Variants in BRINP2 observed in about 807,000 individuals in gnomAD.
BRINP2 encodes the protein BMP/retinoic acid inducible neural specific 2.
A neutral mutation model predicts 69.2 loss-of-function variants in BRINP2; 21 were observed. The ratio of observed to expected loss-of-function variants is 0.30; its 90% CI spans 0.22 to 0.44. The LOEUF is 0.44. BRINP2 is among the 20% of genes least tolerant of loss of function. The probability of loss-of-function intolerance (pLI) is 1.00; values close to 1 mark genes in which losing one functional copy is unlikely to be tolerated. For synonymous variants in BRINP2, 380 were observed against 394.1 expected, an observed-to-expected ratio of 0.96 and a Z score of 0.42; for missense variants, 877 against 986.0, an observed-to-expected ratio of 0.89 and a Z score of 1.48.
chr1:177,217,048 T>C (rs1318742634), intron 1 of BRINP2, among the ~76,000 whole-genome samples: 3 of 152,108 alleles, frequency 2.0e-5, no homozygotes, highest in Non-Finnish European at 4.4e-5. Flanking sequence ...CTTCTTTTCT[T>C]GATTAGAGAC....
chr1:177,194,941 C>A (rs1462857837), intron 1 of BRINP2, among the ~76,000 whole-genome samples: 1 of 152,148 alleles, frequency 6.6e-6, no homozygotes, highest in Non-Finnish European at 1.5e-5. Flanking sequence ...GGCCTCATAA[C>A]AAAATAACTT....
intron 4 of BRINP2, among the ~76,000 whole-genome samples, chr1:177,260,307 G>A (rs908021091): frequency 5.3e-5 from 8 of 152,208 alleles, no homozygotes; most frequent in Admixed American, 4.6e-4. Flanking sequence ...TAAATGACGA[G>A]TTGCTTCTTA....
intron 1 of BRINP2, among the ~76,000 whole-genome samples, chr1:177,187,995 T>C (rs1648477923): frequency 6.6e-6 from 1 of 152,204 alleles, no homozygotes; most frequent in Admixed American, 6.5e-5. Context: ...TCTGAGCCTC[T>C]ATTTTCTTAT....
At chr1:177,203,628 G>T (rs529284423) in intron 1 of BRINP2, among the ~76,000 whole-genome samples, 1 of 152,074 alleles carries the variant, frequency 6.6e-6, no homozygotes, top group Non-Finnish European at 1.5e-5. Flanking sequence ...TGAATGCACT[G>T]GTATGAAGTG....
chr1:177,248,492 T>C (rs1427406756), intron 2 of BRINP2, among the ~76,000 whole-genome samples: 2 of 151,110 alleles, frequency 1.3e-5, no homozygotes, highest in Non-Finnish European at 3.0e-5. Flanking sequence ...TGTGTGTGCG[T>C]GCGTGTGTGT....
chr1:177,202,478 G>A (rs1234119163), intron 1 of BRINP2, among the ~76,000 whole-genome samples: 3 of 152,186 alleles, frequency 2.0e-5, no homozygotes, highest in African/African-American at 4.8e-5. Context: ...TCATTTAGGA[G>A]CAGGTTGTTC....
At chr1:177,266,753 C>G (rs2102355049) in intron 4 of BRINP2, among the ~76,000 whole-genome samples, 1 of 123,738 alleles carries the variant, frequency 8.1e-6, no homozygotes, top group Non-Finnish European at 1.6e-5. Context: ...GTGGGAGACT[C>G]ACTCTAAAAA....
chr1:177,211,194 T>C (rs1229987705), intron 1 of BRINP2, among the ~76,000 whole-genome samples: 1 of 152,108 alleles, frequency 6.6e-6, no homozygotes, highest in Non-Finnish European at 1.5e-5. Context: ...GATTGGTAAA[T>C]AGCATAGATG....
intron 1 of BRINP2, among the ~76,000 whole-genome samples, chr1:177,202,977 G>A (rs915659754): frequency 3.9e-5 from 6 of 152,144 alleles, no homozygotes; most frequent in African/African-American, 1.4e-4. Context: ...CCATTACTGG[G>A]TATATACCCA....
Position 177,276,286 on chromosome 1 carries a change from C to G in BRINP2, c.864C>G (p.Leu288=). Residue 288 remains leucine (L), a synonymous_variant, in exon 6 of 8, where the codon CTC becomes CTG. Transcript: ENST00000361539. ...TCACATGCAGCTCTGAGGGTGAGCT[C>G]GTCTGCAAGGAGAATGACTGCTGGT... ...SYITCSSEGE[L]VCKENDCWCK... 1 of 1,614,216 alleles carries G rather than the reference C, an allele frequency of 6.2e-7. No homozygotes were observed. The highest frequency in any genetic ancestry group is 1.6e-4 in the Middle Eastern group (1 of 6,062).
chr1:177,209,734 C>G (rs1571899795), intron 1 of BRINP2, among the ~76,000 whole-genome samples: 1 of 151,640 alleles, frequency 6.6e-6, no homozygotes, highest in Non-Finnish European at 1.5e-5. Flanking sequence ...ACACTCAGGT[C>G]TCACTCAGAG....
At chr1:177,221,058 G>A (rs1463547045) in intron 1 of BRINP2, among the ~76,000 whole-genome samples, 1 of 152,128 alleles carries the variant, frequency 6.6e-6, no homozygotes, top group African/African-American at 2.4e-5. Context: ...TGACCCAGAG[G>A]AATCTAGGAT....
intron 1 of BRINP2, among the ~76,000 whole-genome samples, chr1:177,215,355 T>C (rs1287971543): frequency 2.0e-5 from 3 of 152,232 alleles, no homozygotes; most frequent in Non-Finnish European, 2.9e-5. Flanking sequence ...TATGGACATT[T>C]TCACAACATT....
intron 4 of BRINP2, 55 bp downstream of exon 4, chr1:177,257,439 G>C (rs1256562183): frequency 6.7e-7 from 1 of 1,491,082 alleles, no homozygotes; most frequent in African/African-American, 1.4e-5. Context: ...AGGAACCAGG[G>C]GGAGGCCAGA....
chr1:177,223,536 A>C (rs930923257), intron 1 of BRINP2, among the ~76,000 whole-genome samples: 1 of 152,322 alleles, frequency 6.6e-6, no homozygotes, highest in South Asian at 2.1e-4. Context: ...AGTGAGGTTA[A>C]GGAGAGCTGA....
intron 7 of BRINP2, 94 bp from the exon 8 acceptor site, chr1:177,280,317 TC>T (rs1454267564): frequency 7.9e-7 from 1 of 1,269,304 alleles, no homozygotes; most frequent in Non-Finnish European, 1.1e-6. Flanking sequence ...CTCATTGCCT[TC>T]CACGCCTAGT....
At chr1:177,268,685 C>G (rs189036642) in intron 4 of BRINP2, among the ~76,000 whole-genome samples, 3 of 152,178 alleles carry the variant, frequency 2.0e-5, no homozygotes, top group African/African-American at 7.2e-5. Context: ...TGCCTATCAC[C>G]TTCCTGACAC....
intron 2 of BRINP2, among the ~76,000 whole-genome samples, chr1:177,248,153 G>A (rs1249729913): frequency 4.6e-5 from 7 of 152,210 alleles, no homozygotes; most frequent in Non-Finnish European, 7.3e-5. Context: ...CACCCACATT[G>A]TAGGCTACAG....
intron 1 of BRINP2, among the ~76,000 whole-genome samples, chr1:177,190,216 G>A (rs1648548117): frequency 6.6e-6 from 1 of 152,124 alleles, no homozygotes; most frequent in Non-Finnish European, 1.5e-5. Flanking sequence ...CAGACTTTCA[G>A]CGGAAAGGCT....
Sources: allele counts gnomAD v4.1 joint callset (sites outside exome capture counted in the v4.1 genomes callset), GRCh38; gene constraint gnomAD v4.1.1; transcripts MANE v1.5; gene names NCBI Gene and HGNC (gene_info 2026-07-23, HGNC 2026-07-21).